The following TUSC3 variants were observed in gnomAD, a reference collection of about 807,000 sequenced individuals.
The protein encoded by TUSC3 is tumor suppressor candidate 3.
A neutral mutation model predicts 44.8 loss-of-function variants in TUSC3; 45 were observed. The observed-to-expected ratio is 1.00, with a 90% CI of 0.79 to 1.29. The LOEUF (loss-of-function observed/expected upper bound fraction) is 1.29. TUSC3 is among the 50% of genes most tolerant of loss of function. TUSC3 has a pLI of 0.00. For missense variants in TUSC3, 519 were observed against 437.9 expected (o/e 1.19, Z -1.65); for synonymous variants, 212 against 152.9 (o/e 1.39, Z -2.85).
At chr8:15,678,523 T>G (rs1285562511) in intron 6 of TUSC3, among the ~76,000 whole-genome samples, 1 of 152,220 alleles carries the variant, frequency 6.6e-6, no homozygotes, top group Non-Finnish European at 1.5e-5. Context: ...AAATATAGTT[T>G]TATTTTTAAG....
chr8:15,454,976 T>A (rs1005621182), intron 1 of TUSC3, among the ~76,000 whole-genome samples: 3 of 152,206 alleles, frequency 2.0e-5, no homozygotes, highest in South Asian at 4.2e-4. Flanking sequence ...CTAGAGGAAT[T>A]AGAGGCAAAA....
At chr8:15,704,238 T>C (rs1306100913) in intron 6 of TUSC3, among the ~76,000 whole-genome samples, 3 of 143,486 alleles carry the variant, frequency 2.1e-5, no homozygotes, top group Non-Finnish European at 4.5e-5. Context: ...GGCCCCAAAA[T>C]GGAAACATTC....
intron 5 of TUSC3, among the ~76,000 whole-genome samples, chr8:15,673,377 G>T (rs1490647006): frequency 6.6e-6 from 1 of 152,056 alleles, no homozygotes; most frequent in African/African-American, 2.4e-5. Context: ...TATAGAAGAT[G>T]ATTATCATGT....
intron 2 of TUSC3, among the ~76,000 whole-genome samples, chr8:15,647,145 T>C (rs1253215157): frequency 2.6e-5 from 4 of 152,124 alleles, no homozygotes; most frequent in African/African-American, 9.7e-5. Context: ...TACATTTGAG[T>C]TCTGTTTATA....
intron 3 of TUSC3, among the ~76,000 whole-genome samples, chr8:15,658,546 G>A (rs942489003): frequency 1.3e-5 from 2 of 151,714 alleles, no homozygotes; most frequent in Non-Finnish European, 2.9e-5. Flanking sequence ...TGCAAGTCAA[G>A]GGCTGAAAAA....
intron 2 of TUSC3, among the ~76,000 whole-genome samples, chr8:15,484,759 T>A (rs150609937): frequency 6.6e-6 from 1 of 152,166 alleles, no homozygotes; most frequent in South Asian, 2.1e-4. Flanking sequence ...AATTTTAATA[T>A]TCAGAGGGGA....
the TUSC3 span, among the ~76,000 whole-genome samples, chr8:15,837,987 A>G: frequency 6.6e-6 from 1 of 152,218 alleles, no homozygotes; most frequent in Non-Finnish European, 1.5e-5. Flanking sequence ...AGGAACTGCA[A>G]TCATGACTTA....
At chr8:15,694,459 AAG>A (rs1411411329) in intron 6 of TUSC3, among the ~76,000 whole-genome samples, 92 of 143,834 alleles carry the variant, frequency 6.4e-4, no homozygotes, top group Non-Finnish European at 1.2e-3. Flanking sequence ...AAAAAAAAAA[AAG>A]ATTGTTGGGG....
At chr8:15,728,152 A>C (rs1405867944) in intron 6 of TUSC3, among the ~76,000 whole-genome samples, 1 of 152,198 alleles carries the variant, frequency 6.6e-6, no homozygotes, top group African/African-American at 2.4e-5. Flanking sequence ...ATTACATGAT[A>C]TGATGTTTTT....
intron 9 of TUSC3, 107 bp from the exon 10 acceptor site, chr8:15,757,680 CTAGA>C (rs1412912981): frequency 7.4e-7 from 1 of 1,357,328 alleles, no homozygotes; most frequent in Non-Finnish European, 1.1e-6. Context: ...CCTGTCTTAT[CTAGA>C]TAAAGAATGT....
intron 5 of TUSC3, among the ~76,000 whole-genome samples, chr8:15,671,739 TTC>T (rs1163548373): frequency 6.6e-6 from 1 of 152,110 alleles, no homozygotes; most frequent in Non-Finnish European, 1.5e-5. Flanking sequence ...AATGACAGTT[TTC>T]TGTCTCATGT....
intron 1 of TUSC3, among the ~76,000 whole-genome samples, chr8:15,467,769 CTCTG>C (rs1415241876): frequency 1.6e-4 from 24 of 152,086 alleles, no homozygotes; most frequent in African/African-American, 5.6e-4. Context: ...TACGTTTGTT[CTCTG>C]TCTTTCTTTT....
rs1052438185 is a variant in TUSC3 at position 15,630,426 on chromosome 8, C to T, written c.308+7177C>T. ...TTTATTATGTGTAAACTATTGGGGACGCTATGTTAAGTCCTTTATATATAC... is the reference window on the plus strand; with the variant it reads ...TTTATTATGTGTAAACTATTGGGGATGCTATGTTAAGTCCTTTATATATAC... On this transcript the variant is annotated intron_variant, in intron 2 of 10. Transcript: ENST00000503731. Among the ~76,000 whole-genome samples the T allele has an allele frequency of 9.9e-5, 15 of 151,762 alleles. 1 individual carries two copies. Among genetic ancestry groups the T allele is most frequent in the Admixed American group, 3.3e-4 (5 of 15,212 alleles).
chr8:15,539,342 G>GTTTTTT (rs1554511025), upstream of TUSC3, among the ~76,000 whole-genome samples: 10 of 88,894 alleles, frequency 1.1e-4, no homozygotes, highest in South Asian at 3.6e-4. Context: ...TGCTGCTATG[G>GTTTTTT]TTCTTTTTTT....
At chr8:15,469,122 G>T (rs1276040938) in intron 1 of TUSC3, among the ~76,000 whole-genome samples, 1 of 152,110 alleles carries the variant, frequency 6.6e-6, no homozygotes, top group African/African-American at 2.4e-5. Context: ...GAAGCAATTT[G>T]AACCACCAAA....
chr8:15,626,624 T>G (rs1563141158), intron 2 of TUSC3, among the ~76,000 whole-genome samples: 1 of 152,236 alleles, frequency 6.6e-6, no homozygotes, highest in East Asian at 1.9e-4. Flanking sequence ...AAGGCCCCCC[T>G]TACCCCTGCA....
At chr8:15,829,949 C>G in the TUSC3 span, among the ~76,000 whole-genome samples, 9 of 152,060 alleles carry the variant, frequency 5.9e-5, no homozygotes, top group Non-Finnish European at 1.2e-4. Context: ...CACACTCAAC[C>G]AATATCTATT....
At chr8:15,760,969 A>T (rs1358386624) in intron 10 of TUSC3, among the ~76,000 whole-genome samples, 1 of 152,162 alleles carries the variant, frequency 6.6e-6, no homozygotes, top group East Asian at 1.9e-4. Context: ...ACTGTATCAT[A>T]CTTAATCACA....
intron 6 of TUSC3, among the ~76,000 whole-genome samples, chr8:15,710,546 A>G (rs1244451208): frequency 6.6e-6 from 1 of 151,778 alleles, no homozygotes; most frequent in Non-Finnish European, 1.5e-5. Flanking sequence ...CATAGCTGAC[A>G]TGAAAAAGGA....
Sources: allele counts gnomAD v4.1 joint callset (sites outside exome capture counted in the v4.1 genomes callset), GRCh38; gene constraint gnomAD v4.1.1; transcripts MANE v1.5; gene names NCBI Gene and HGNC (gene_info 2026-07-23, HGNC 2026-07-21).